Variants in C12orf42 observed in about 807,000 individuals in gnomAD.
C12orf42 encodes chromosome 12 open reading frame 42.
Under a neutral mutation model 21.6 loss-of-function variants are expected in C12orf42, and 25 were observed. The observed-to-expected ratio is 1.16, with a 90% CI of 0.84 to 1.62. The LOEUF is 1.62. Among genes scored for constraint, C12orf42 ranks in the 40% most tolerant of loss-of-function variants. C12orf42 has a pLI of 0.00. For synonymous variants in C12orf42, 174 were observed against 175.0 expected (o/e 0.99, Z 0.05); for missense variants, 483 against 459.3 (o/e 1.05, Z -0.47).
chr12:103,115,515 G>A, the C12orf42 span, among the ~76,000 whole-genome samples: 573 of 152,314 alleles, frequency 3.8e-3, 3 homozygotes, highest in Middle Eastern at 0.014. Context: ...TATGGAGAAG[G>A]TAGTAATTTA....
chr12:103,134,896 A>G, the C12orf42 span, among the ~76,000 whole-genome samples: 1 of 152,212 alleles, frequency 6.6e-6, no homozygotes, highest in Non-Finnish European at 1.5e-5. Flanking sequence ...GGACACCCCC[A>G]TCATGCTAAC....
chr12:103,052,889 C>T, the C12orf42 span, among the ~76,000 whole-genome samples: 2 of 151,882 alleles, frequency 1.3e-5, no homozygotes, highest in Non-Finnish European at 2.9e-5. Context: ...GAAACATTAC[C>T]GAACATTGAA....
chr12:103,058,818 C>A, the C12orf42 span, among the ~76,000 whole-genome samples: 2 of 152,130 alleles, frequency 1.3e-5, no homozygotes, highest in Non-Finnish European at 2.9e-5. Context: ...ATCTCTTGGA[C>A]ACGGCTAAAG....
At chr12:103,507,219 A>ATAT in the C12orf42 span, among the ~76,000 whole-genome samples, 1 of 39,308 alleles carries the variant, frequency 2.5e-5, no homozygotes, top group Non-Finnish European at 3.5e-5. Flanking sequence ...TATATAATAT[A>ATAT]TAAATATAAA....
At position 103,302,417 on chromosome 12, in the gene C12orf42, G is replaced by T; in HGVS notation, c.774C>A (p.Pro258=). 1 of 1,613,900 alleles carries T rather than the reference G, an allele frequency of 6.2e-7. No homozygotes were observed. Among genetic ancestry groups the T allele is most frequent in the East Asian group, 2.2e-5 (1 of 44,866 alleles). Residue 258 remains proline, a synonymous_variant, in exon 6 of 6, where the codon CCC becomes CCA. Coordinates refer to ENST00000548883, the MANE Select transcript of C12orf42 (RefSeq NM_198521.5). ...CCAGGAGTCTGCTTTGGATGTCGTC[G>T]GGGTGTGCCTGAGCGCCTGCTGGGA... ...MAVPAGAQAH[P]DDIQSRLLGA...
At chr12:103,462,138 G>A (rs187342932) in intron 2 of C12orf42, among the ~76,000 whole-genome samples, 985 of 23,662 alleles carry the variant, frequency 0.042, 8 homozygotes, top group Middle Eastern at 0.059. Context: ...ACAGAGTTTC[G>A]CTCTTGTTGC....
chr12:103,076,096 G>A, the C12orf42 span, among the ~76,000 whole-genome samples: 2,614 of 152,154 alleles, frequency 0.017, 82 homozygotes, highest in African/African-American at 0.06. Context: ...GGGCTAGGGC[G>A]AGGGATAGTA....
At chr12:103,146,616 A>AAGAAAGAAAGAAAG in the C12orf42 span, among the ~76,000 whole-genome samples, 1 of 102,306 alleles carries the variant, frequency 9.8e-6, no homozygotes. Context: ...AAGAAAAAGA[A>AAGAAAGAAAGAAAG]AAGTAAACAC....
the C12orf42 span, chr12:103,164,794 A>G: frequency 2.7e-5 from 12 of 442,470 alleles, no homozygotes; most frequent in East Asian, 5.6e-4. Flanking sequence ...ATTGAATTCA[A>G]TTACCGGTTC....
the C12orf42 span, among the ~76,000 whole-genome samples, chr12:103,130,148 T>C: frequency 3.9e-5 from 6 of 152,166 alleles, no homozygotes; most frequent in East Asian, 1.2e-3. Flanking sequence ...TCAACCTCTG[T>C]ACCAAGCCCT....
At position 103,294,624 on chromosome 12, in the gene C12orf42, G is replaced by GAAAGAA. The variant is rs1555246097; in HGVS notation, n.338-17420_338-17415dup. ...AGAAAGAAAGAAAGAAAGAAAGAAA[G>GAAAGAA]AAAGAAAGAAAGAAGGAAAAGAAAG... On this transcript the variant is annotated intron_variant and non_coding_transcript_variant, in intron 4 of 6. Transcript: ENST00000546526. Among the ~76,000 whole-genome samples, 1,350 of 139,894 alleles carry GAAAGAA rather than the reference G, an allele frequency of 9.7e-3. 27 individuals carry two copies. The highest frequency in any genetic ancestry group is 0.027 in the African/African-American group (919 of 33,992). The allele number at this position is 139,894 out of a possible 152,430, so 91.8% of individuals were successfully genotyped here.
intron 2 of C12orf42, among the ~76,000 whole-genome samples, chr12:103,442,808 A>G (rs1413079357): frequency 6.6e-6 from 1 of 152,194 alleles, no homozygotes; most frequent in Non-Finnish European, 1.5e-5. Flanking sequence ...ATGAAAGAAT[A>G]TATGTATTAA....
chr12:103,237,016 T>C (rs1330510758), downstream of C12orf42, among the ~76,000 whole-genome samples: 1 of 152,228 alleles, frequency 6.6e-6, no homozygotes, highest in African/African-American at 2.4e-5. Context: ...TGCATTAATA[T>C]TTCTTTCAAG....
chr12:103,264,657 G>A (rs916246255), downstream of C12orf42, among the ~76,000 whole-genome samples: 7 of 152,046 alleles, frequency 4.6e-5, no homozygotes, highest in African/African-American at 1.7e-4. Context: ...TTTATCTTTC[G>A]GCTTGAGTGG....
At position 103,478,369 on chromosome 12, in the gene C12orf42, G is replaced by C; in HGVS notation, c.58C>G (p.Pro20Ala). The change falls in exon 2 of 6, where the codon CCT (proline) becomes GCT (alanine). Residue 20 changes from proline to alanine, a missense_variant. Physicochemically the swap from Pro to Ala is conservative, Grantham distance 27. Transcript: ENST00000548883. ...ATTACCTGCATCCTGTTTGCAAAAG[G>C]TCTGATGGTTAGCAAGAATTCTTCT... is the stretch of plus-strand genomic sequence containing the variant. ...REEEFLLTIR[P>A]FANRMQKSPC... The C allele has an allele frequency of 6.2e-7, 1 of 1,603,456 alleles. No individual in the cohort carries two copies. Among genetic ancestry groups the C allele is most frequent in the Non-Finnish European group, 8.5e-7 (1 of 1,173,518 alleles).
At chr12:103,417,681 A>T (rs533926233) in intron 2 of C12orf42, among the ~76,000 whole-genome samples, 1 of 152,328 alleles carries the variant, frequency 6.6e-6, no homozygotes, top group African/African-American at 2.4e-5. Flanking sequence ...TATCTTAATT[A>T]TTTTTGAATC....
At chr12:103,449,193 C>A (rs1233306938) in intron 2 of C12orf42, among the ~76,000 whole-genome samples, 6 of 151,778 alleles carry the variant, frequency 4.0e-5, no homozygotes, top group Non-Finnish European at 5.9e-5. Context: ...TTGCAGAAAC[C>A]TGGATGGAAT....
chr12:103,180,069 T>C, the C12orf42 span, among the ~76,000 whole-genome samples: 2 of 151,334 alleles, frequency 1.3e-5, no homozygotes, highest in Admixed American at 6.6e-5. Flanking sequence ...CAGACACAGG[T>C]AGAGTGAGCT....
chr12:103,417,838 G>T (rs1638953933), intron 2 of C12orf42, among the ~76,000 whole-genome samples: 2 of 152,124 alleles, frequency 1.3e-5, no homozygotes, highest in Non-Finnish European at 2.9e-5. Flanking sequence ...TTGGATAAAT[G>T]GGTGAATGTA....
Sources: allele counts gnomAD v4.1 joint callset (sites outside exome capture counted in the v4.1 genomes callset), GRCh38; gene constraint gnomAD v4.1.1; transcripts MANE v1.5; gene names NCBI Gene and HGNC (gene_info 2026-07-23, HGNC 2026-07-21).